SLC12A6: variants seen among roughly 807,000 people sequenced by gnomAD.
The protein encoded by SLC12A6 is solute carrier family 12 member 6, also known as K-Cl cotransporter 3.
A neutral mutation model predicts 135.3 loss-of-function variants in SLC12A6; 66 were observed. That is an observed-to-expected ratio of 0.49 (90% confidence interval 0.40 to 0.60). The LOEUF (loss-of-function observed/expected upper bound fraction) is 0.60, where lower values mean the gene tolerates loss of function less well. Among genes scored for constraint, SLC12A6 ranks in the 20% least tolerant of loss-of-function variants. The pLI is 0.00. For missense variants in SLC12A6, 1,058 were observed against 1,452.3 expected (o/e 0.73, Z 4.41); for synonymous variants, 513 against 508.8 (o/e 1.01, Z -0.11).
chr15:34,299,843 G>A (rs914141710), intron 2 of SLC12A6, among the ~76,000 whole-genome samples: 3 of 152,126 alleles, frequency 2.0e-5, no homozygotes, highest in Admixed American at 2.0e-4. Flanking sequence ...AGCATGGGGA[G>A]ACATTAGGGG....
chr15:34,289,053 G>A (rs1895327259), intron 2 of SLC12A6, among the ~76,000 whole-genome samples: 1 of 152,146 alleles, frequency 6.6e-6, no homozygotes, highest in African/African-American at 2.4e-5. Context: ...GGGCATCCTT[G>A]TCTTGTCCCG....
chr15:34,263,373 T>C (rs1423438137), intron 3 of SLC12A6, among the ~76,000 whole-genome samples: 1 of 152,114 alleles, frequency 6.6e-6, no homozygotes, highest in Admixed American at 6.5e-5. Context: ...ACTGATCCAC[T>C]GCACTCCAGC....
intron 2 of SLC12A6, among the ~76,000 whole-genome samples, chr15:34,284,385 GC>G (rs1699974048): frequency 7.2e-6 from 1 of 138,692 alleles, no homozygotes; most frequent in South Asian, 2.2e-4. Flanking sequence ...CGATTCTCCT[GC>G]CTCAGCCTCC....
intron 2 of SLC12A6, among the ~76,000 whole-genome samples, chr15:34,320,518 A>G (rs1417285061): frequency 2.6e-5 from 4 of 152,172 alleles, no homozygotes; most frequent in African/African-American, 9.7e-5. Flanking sequence ...TTAAAGAGGA[A>G]AAAAAGAAGG....
intron 2 of SLC12A6, among the ~76,000 whole-genome samples, chr15:34,291,459 C>T (rs1319626314): frequency 6.6e-6 from 1 of 152,110 alleles, no homozygotes; most frequent in Non-Finnish European, 1.5e-5. Flanking sequence ...AATTAAGTGT[C>T]TTAGGGTTGC....
Position 34,239,024 on chromosome 15 carries a change from A to G in SLC12A6, c.2573T>C (p.Met858Thr), listed in dbSNP as rs1595404902. ...TTGACGCCAGCCATTAGGCCAGCCC[A>G]TCACCACCGTGTTGTGCTTCATGCC... The part of the protein sequence containing the change: ...LGGMKHNTVV[M>T]GWPNGWRQSE... Residue 858 changes from methionine (M) to threonine (T), a missense_variant, in exon 20 of 26, where the codon ATG becomes ACG. Met to Thr is a moderately conservative substitution (Grantham distance 81). Around this residue, in one of 6 missense-constraint regions of SLC12A6, gnomAD observed 245 missense variants for 440.8 expected, o/e 0.56. Coordinates refer to ENST00000354181, the MANE Select transcript of SLC12A6 (RefSeq NM_001365088.1). The G allele has an allele frequency of 1.9e-6, 3 of 1,614,214 alleles. No homozygotes were observed. The African/African-American group carries it at 4.0e-5, about 22-fold the overall frequency.
At chr15:34,242,063 GCTA>G in intron 17 of SLC12A6, 36 bp downstream of exon 17, 1 of 1,548,988 alleles carries the variant, frequency 6.5e-7, no homozygotes. Context: ...AGCTAGTCTT[GCTA>G]CTTTTAGCAG....
intron 13 of SLC12A6, 119 bp from the exon 14 acceptor site, chr15:34,245,986 G>A: frequency 1.3e-6 from 1 of 788,724 alleles, no homozygotes. Context: ...AGGCTAGAGT[G>A]CAGTGGTGTG....
chr15:34,331,761 G>A, intron 2 of SLC12A6, among the ~76,000 whole-genome samples: 1 of 152,114 alleles, frequency 6.6e-6, no homozygotes, highest in South Asian at 2.1e-4. Flanking sequence ...AAAGAGCCTG[G>A]TTTATTATAT....
intron 2 of SLC12A6, among the ~76,000 whole-genome samples, chr15:34,288,149 T>A (rs1895245003): frequency 6.6e-6 from 1 of 152,212 alleles, no homozygotes; most frequent in East Asian, 1.9e-4. Flanking sequence ...TGAGTTGATT[T>A]TTGTATAAGG....
At chr15:34,271,806 A>G (rs1227523665) in intron 3 of SLC12A6, among the ~76,000 whole-genome samples, 1 of 152,136 alleles carries the variant, frequency 6.6e-6, no homozygotes, top group Non-Finnish European at 1.5e-5. Context: ...GAAGGACTGG[A>G]AAGGGCTTTT....
chr15:34,329,218 G>A (rs1223046417), intron 2 of SLC12A6, among the ~76,000 whole-genome samples: 1 of 152,230 alleles, frequency 6.6e-6, no homozygotes, highest in African/African-American at 2.4e-5. Context: ...TTGAAATCCA[G>A]CTTGCCCTTC....
intron 2 of SLC12A6, among the ~76,000 whole-genome samples, chr15:34,332,728 A>T (rs1390545189): frequency 6.6e-6 from 1 of 151,882 alleles, no homozygotes; most frequent in Non-Finnish European, 1.5e-5. Context: ...GGTTGCAGTG[A>T]GCCGAGATAG....
At chr15:34,289,995 G>A (rs558786984) in intron 2 of SLC12A6, among the ~76,000 whole-genome samples, 1 of 152,114 alleles carries the variant, frequency 6.6e-6, no homozygotes, top group African/African-American at 2.4e-5. Context: ...TCTGATCTTA[G>A]TAACTATTTC....
Position 34,230,016 on chromosome 15 carries a change from T to TG in SLC12A6, c.*3864_*3865insC. 1.7e-6 allele frequency: 1 copy of TG among 572,406 alleles called. No individual in the cohort carries two copies. The highest frequency in any genetic ancestry group is 3.1e-6 in the Non-Finnish European group (1 of 326,372). 35.5% of individuals were successfully genotyped at this position (572,406 alleles called of 1,614,324 possible). On this transcript the variant is annotated 3_prime_UTR_variant, in exon 26 of 26. Coordinates refer to ENST00000354181, the MANE Select transcript of SLC12A6 (RefSeq NM_001365088.1). ...AAGGCTGAAAATAATGTAGAAAACTTTATTTTTGTTTCCAGTACAGAGCAA... is the reference window on the plus strand; with the variant it reads ...AAGGCTGAAAATAATGTAGAAAACTTGTATTTTTGTTTCCAGTACAGAGCAA...
intron 2 of SLC12A6, among the ~76,000 whole-genome samples, chr15:34,276,645 A>G (rs1482084532): frequency 1.3e-5 from 2 of 152,184 alleles, no homozygotes; most frequent in South Asian, 2.1e-4. Context: ...GAACAATGGG[A>G]AAAAAAGTCA....
At chr15:34,330,032 A>G (rs902426191) in intron 2 of SLC12A6, among the ~76,000 whole-genome samples, 15 of 152,188 alleles carry the variant, frequency 9.9e-5, no homozygotes, top group Admixed American at 7.9e-4. Context: ...CAATGTCATA[A>G]ACATCTATAA....
At chr15:34,283,302 C>T (rs1894809684) in intron 2 of SLC12A6, among the ~76,000 whole-genome samples, 1 of 152,090 alleles carries the variant, frequency 6.6e-6, no homozygotes, top group African/African-American at 2.4e-5. Flanking sequence ...GAGACTGCAC[C>T]ATTGCACTCC....
At chr15:34,314,869 T>C (rs1595558852) in intron 2 of SLC12A6, 1 of 147,756 alleles carries the variant, frequency 6.8e-6, no homozygotes, top group African/African-American at 2.5e-5. Context: ...TGGGAAGAAG[T>C]AGATCCTAGC....
Sources: gnomAD v4.1 joint callset for allele counts (sites outside exome capture counted in the v4.1 genomes callset) on GRCh38, gnomAD v4.1.1 for gene constraint, gnomAD v4.1.1 regional missense constraint, MANE v1.5 for transcripts, NCBI Gene and HGNC (gene_info 2026-07-23, HGNC 2026-07-21) for gene names.